Variants in MAPKAP1 observed in about 807,000 individuals in gnomAD.
The protein encoded by MAPKAP1 is MAPK associated protein 1.
MAPKAP1 carries 20 observed loss-of-function variants against 65.7 expected under a neutral mutation model. The ratio of observed to expected loss-of-function variants is 0.30; its 90% CI spans 0.21 to 0.44. The LOEUF (loss-of-function observed/expected upper bound fraction) is 0.44. Among genes scored for constraint, MAPKAP1 ranks in the 20% least tolerant of loss-of-function variants. The pLI is 1.00. For synonymous variants in MAPKAP1, 222 were observed against 244.3 expected (o/e 0.91, Z 0.85); for missense variants, 423 against 648.0 (o/e 0.65, Z 3.77).
At chr9:125,551,280 GGGT>G (rs1830577038) in intron 6 of MAPKAP1, among the ~76,000 whole-genome samples, 1 of 152,034 alleles carries the variant, frequency 6.6e-6, no homozygotes, top group African/African-American at 2.4e-5. Context: ...TGGTCACTTG[GGGT>G]ATACTGTGGA....
At chr9:125,590,734 T>A (rs1009293493) in intron 4 of MAPKAP1, among the ~76,000 whole-genome samples, 1 of 152,130 alleles carries the variant, frequency 6.6e-6, no homozygotes, top group Non-Finnish European at 1.5e-5. Context: ...TGCCTAATTA[T>A]ATCATTTAAT....
chr9:125,458,726 G>C (rs1019795430), intron 10 of MAPKAP1, among the ~76,000 whole-genome samples: 1 of 148,928 alleles, frequency 6.7e-6, no homozygotes, highest in Non-Finnish European at 1.5e-5. Flanking sequence ...TCAATGAGCT[G>C]TTGGGTACAC....
intron 6 of MAPKAP1, among the ~76,000 whole-genome samples, chr9:125,556,638 C>T (rs1046233979): frequency 1.3e-5 from 2 of 152,188 alleles, no homozygotes; most frequent in African/African-American, 4.8e-5. Flanking sequence ...CTTCTTGTCC[C>T]TCCTCTACTG....
At chr9:125,504,662 G>C (rs1450538833) in intron 8 of MAPKAP1, among the ~76,000 whole-genome samples, 1 of 152,082 alleles carries the variant, frequency 6.6e-6, no homozygotes, top group Admixed American at 6.6e-5. Context: ...GGGTGGTGGT[G>C]CATGCCTGTA....
intron 7 of MAPKAP1, among the ~76,000 whole-genome samples, chr9:125,541,224 G>T (rs951974757): frequency 2.0e-5 from 3 of 152,196 alleles, no homozygotes; most frequent in Admixed American, 6.5e-5. Context: ...ATAAATAAAT[G>T]TGTGTATGAT....
chr9:125,672,248 A>G, intron 2 of MAPKAP1, 68 bp downstream of exon 2: 2 of 1,542,468 alleles, frequency 1.3e-6, no homozygotes, highest in Non-Finnish European at 1.8e-6. Flanking sequence ...TTCCAATATT[A>G]TGCATTATTC....
intron 7 of MAPKAP1, among the ~76,000 whole-genome samples, chr9:125,531,537 C>T (rs537322051): frequency 7.9e-5 from 12 of 152,276 alleles, no homozygotes; most frequent in Admixed American, 2.0e-4. Flanking sequence ...ATTTAACAGA[C>T]GAGCTAATAA....
chr9:125,512,354 T>C (rs767594603), intron 7 of MAPKAP1, among the ~76,000 whole-genome samples: 2 of 152,148 alleles, frequency 1.3e-5, no homozygotes, highest in Non-Finnish European at 1.5e-5. Flanking sequence ...AGCAAAGGGC[T>C]TGCTTTTGTA....
intron 10 of MAPKAP1, among the ~76,000 whole-genome samples, chr9:125,458,204 T>C (rs1853267816): frequency 6.7e-6 from 1 of 149,764 alleles, no homozygotes; most frequent in Admixed American, 6.7e-5. Flanking sequence ...GTGTTGGAAG[T>C]TGCATATGGA....
chr9:125,597,900 G>A (rs1332688001), intron 4 of MAPKAP1, among the ~76,000 whole-genome samples: 6 of 152,124 alleles, frequency 3.9e-5, no homozygotes, highest in Non-Finnish European at 7.4e-5. Flanking sequence ...CAATGGTCTT[G>A]TCTTTAATAA....
chr9:125,640,536 T>G (rs1457594165), intron 4 of MAPKAP1, among the ~76,000 whole-genome samples: 2 of 151,518 alleles, frequency 1.3e-5, no homozygotes, highest in Non-Finnish European at 2.9e-5. Context: ...GAATGAAAAA[T>G]CTACCTTGCC....
At chr9:125,618,513 G>T (rs977593776) in intron 4 of MAPKAP1, among the ~76,000 whole-genome samples, 6 of 151,688 alleles carry the variant, frequency 4.0e-5, no homozygotes, top group African/African-American at 1.5e-4. Flanking sequence ...TTCAAATGTT[G>T]GTCTATATTT....
At chr9:125,674,396 G>A (rs1834585012) in intron 1 of MAPKAP1, among the ~76,000 whole-genome samples, 1 of 152,178 alleles carries the variant, frequency 6.6e-6, no homozygotes, top group Admixed American at 6.5e-5. Flanking sequence ...CTTTGTGATA[G>A]AGGACACTGC....
At position 125,701,515 on chromosome 9, in the gene MAPKAP1, C is replaced by A. The variant is rs182520389; in HGVS notation, c.-70+5456G>T. Among the ~76,000 whole-genome samples, 573 of 152,316 alleles carry A rather than the reference C, an allele frequency of 3.8e-3. 3 individuals carry two copies. Among genetic ancestry groups the A allele is most frequent in the Non-Finnish European group, 5.9e-3 (404 of 68,028 alleles). On this transcript the variant is annotated intron_variant, in intron 1 of 11. Transcript: ENST00000265960. ...CTGCACTTGCTACTAAACTGTGATT[C>A]ACTGGCTGTTAGTGGTATCCGCATA...
chr9:125,605,514 T>C (rs1056518365), intron 4 of MAPKAP1, among the ~76,000 whole-genome samples: 1 of 152,208 alleles, frequency 6.6e-6, no homozygotes, highest in South Asian at 2.1e-4. Context: ...ATCATCCCTC[T>C]AGTCTAAAAC....
intron 7 of MAPKAP1, among the ~76,000 whole-genome samples, chr9:125,516,811 C>T (rs931499561): frequency 6.6e-6 from 1 of 152,178 alleles, no homozygotes; most frequent in Non-Finnish European, 1.5e-5. Flanking sequence ...TAACACAATG[C>T]CTAGCACATA....
chr9:125,502,101 CTT>C (rs569835380), intron 8 of MAPKAP1, among the ~76,000 whole-genome samples: 1 of 144,544 alleles, frequency 6.9e-6, no homozygotes. Context: ...CTTTCTTCTT[CTT>C]TTTTTTTTTT....
At chr9:125,525,012 G>C (rs1829722375) in intron 7 of MAPKAP1, among the ~76,000 whole-genome samples, 1 of 152,242 alleles carries the variant, frequency 6.6e-6, no homozygotes, top group Non-Finnish European at 1.5e-5. Context: ...ATGAGCAGCT[G>C]CGCAGACAGA....
At position 125,472,150 on chromosome 9, in the gene MAPKAP1, C is replaced by T. The variant is rs551320412; in HGVS notation, c.1208-4041G>A. 2.0e-5 allele frequency among the ~76,000 whole-genome samples: 3 copies of T among 152,320 alleles called. No homozygotes were observed. The South Asian group carries it at 6.2e-4, about 32-fold the overall frequency. The stretch of plus-strand genomic sequence containing the variant: ...CCAGAATGTGTCCCCTCAGCCACTA[C>T]ACTATTCTGCAAGAACTGTGCTAAA... On this transcript the variant is annotated intron_variant, in intron 9 of 11. Transcript: ENST00000265960.
Sources: gnomAD v4.1 joint callset for allele counts (sites outside exome capture counted in the v4.1 genomes callset) on GRCh38, gnomAD v4.1.1 for gene constraint, MANE v1.5 for transcripts, NCBI Gene and HGNC (gene_info 2026-07-23, HGNC 2026-07-21) for gene names.